The following NID1 variants were observed in gnomAD, a reference collection of about 807,000 sequenced individuals.
NID1 encodes nidogen-1.
NID1 carries 76 observed loss-of-function variants against 130.6 expected under a neutral mutation model. That is an observed-to-expected ratio of 0.58 (90% CI 0.48 to 0.70). The LOEUF (loss-of-function observed/expected upper bound fraction) is 0.70. NID1 is among the 30% of genes least tolerant of loss of function. The pLI is 0.00. For synonymous variants in NID1, 665 were observed against 675.1 expected, an observed-to-expected ratio of 0.98 and a Z score of 0.23; for missense variants, 1,517 against 1,664.8, an observed-to-expected ratio of 0.91 and a Z score of 1.54.
intron 12 of NID1, among the ~76,000 whole-genome samples, chr1:236,011,556 GCCT>G (rs1435582777): frequency 6.6e-6 from 1 of 152,090 alleles, no homozygotes; most frequent in Non-Finnish European, 1.5e-5. Context: ...ACCCACCTCG[GCCT>G]CCTAAAGTAT....
Position 235,979,718 on chromosome 1 carries a change from G to A in NID1, c.3509+104C>T. On this transcript the variant is annotated intron_variant, in intron 18 of 19. Transcript: ENST00000264187. The surrounding 1 kb of genome is among the most constrained non-coding windows in gnomAD (Gnocchi z 4.6). ...ATCTCTAGAGGGGGCATTTCTGGAG[G>A]CTCAAAAGTCAAGCCAAGAGGCCAG... The A allele has an allele frequency of 7.5e-7, 1 of 1,337,512 alleles. No homozygotes were observed. Among genetic ancestry groups the A allele is most frequent in the Non-Finnish European group, 1.1e-6 (1 of 949,392 alleles). The allele number at this position is 1,337,512 out of a possible 1,614,324, so 82.9% of individuals were successfully genotyped here.
intron 11 of NID1, 52 bp downstream of exon 11, chr1:236,013,359 C>T: frequency 1.2e-6 from 2 of 1,602,346 alleles, no homozygotes; most frequent in Admixed American, 1.7e-5. Flanking sequence ...CAGGTACCAC[C>T]TAGGAAACTT....
Position 235,993,866 on chromosome 1 carries a change from T to A in NID1, c.2534A>T (p.Glu845Val). 6.2e-7 allele frequency: 1 copy of A among 1,609,910 alleles called. No individual in the cohort carries two copies. The highest frequency in any genetic ancestry group is 1.3e-5 in the African/African-American group (1 of 75,006). ...DGFRCVPGEV[E>V]KTRCQHEREH... ...TCGCTCGTGCTGGCACCGGGTTTTC[T>A]CCACCTCTATCAGAGAAACAGGCAA... is the stretch of plus-strand genomic sequence containing the variant. The change falls in exon 13 of 20, where the codon GAG (glutamate) becomes GTG (valine). Residue 845 changes from glutamate to valine, a missense_variant. Coordinates refer to ENST00000264187, the MANE Select transcript of NID1 (RefSeq NM_002508.3).
intron 14 of NID1, among the ~76,000 whole-genome samples, chr1:235,988,777 AC>A (rs1010189739): frequency 2.0e-5 from 3 of 152,202 alleles, no homozygotes; most frequent in Non-Finnish European, 2.9e-5. Flanking sequence ...AATGACAAAT[AC>A]TGTATGATTC....
chr1:236,048,898 G>T lies in NID1; in HGVS notation c.317C>A (p.Pro106His). ...GGTCGTGTCCAAGTCCGCCAGGAAA[G>T]GGGCGACTGCACCGAATGTTGGTGG... is the stretch of plus-strand genomic sequence containing the variant. ...LFPPTFGAVA[P>H]FLADLDTTDG... Residue 106 changes from proline (P) to histidine (H), a missense_variant, in exon 2 of 20, where the codon CCT becomes CAT. Coordinates refer to ENST00000264187, the MANE Select transcript of NID1 (RefSeq NM_002508.3). 1 of 1,614,078 alleles carries T rather than the reference G, an allele frequency of 6.2e-7. No homozygotes were observed.
At chr1:236,055,214 G>A (rs961071245) in intron 1 of NID1, among the ~76,000 whole-genome samples, 5 of 151,970 alleles carry the variant, frequency 3.3e-5, no homozygotes, top group Non-Finnish European at 4.4e-5. Flanking sequence ...TGAGGCAGGA[G>A]AATGGCGGGA....
intron 11 of NID1, among the ~76,000 whole-genome samples, chr1:236,013,172 T>C (rs936572197): frequency 1.3e-5 from 2 of 152,206 alleles, no homozygotes; most frequent in Non-Finnish European, 2.9e-5. Context: ...AGGTGTCTAA[T>C]TGTCACCTGA....
At chr1:235,996,663 G>A (rs912001229) in intron 12 of NID1, among the ~76,000 whole-genome samples, 1 of 151,992 alleles carries the variant, frequency 6.6e-6, no homozygotes, top group Non-Finnish European at 1.5e-5. Flanking sequence ...GACTGGTCTC[G>A]AACTACTGAG....
intron 10 of NID1, among the ~76,000 whole-genome samples, chr1:236,016,199 C>T (rs915814827): frequency 3.3e-5 from 5 of 151,906 alleles, no homozygotes; most frequent in African/African-American, 1.2e-4. Context: ...AAAATCTCAA[C>T]TGTGCAGAGG....
At chr1:236,050,040 G>GAA (rs61477102) in intron 1 of NID1, among the ~76,000 whole-genome samples, 39 of 130,674 alleles carry the variant, frequency 3.0e-4, no homozygotes, top group South Asian at 7.4e-4. Context: ...CATCTCAGGG[G>GAA]AAAAAAAAAA....
At chr1:236,030,102 T>C (rs1659052301) in intron 6 of NID1, among the ~76,000 whole-genome samples, 1 of 152,132 alleles carries the variant, frequency 6.6e-6, no homozygotes, top group African/African-American at 2.4e-5. Flanking sequence ...TCCATTTCCC[T>C]GATGATTAAA....
chr1:236,058,850 C>A (rs547660332), intron 1 of NID1, among the ~76,000 whole-genome samples: 1 of 152,208 alleles, frequency 6.6e-6, no homozygotes, highest in South Asian at 2.1e-4. Flanking sequence ...TTTACAAATA[C>A]AAATCGCTGT....
intron 12 of NID1, among the ~76,000 whole-genome samples, chr1:236,011,630 C>T (rs145793897): frequency 7.5e-4 from 115 of 152,320 alleles, no homozygotes; most frequent in African/African-American, 2.6e-3. Flanking sequence ...CTCTACATTG[C>T]AGTCCATGCT....
At position 236,042,210 on chromosome 1, in the gene NID1, C is replaced by T. The variant is rs538754279; in HGVS notation, c.835G>A (p.Val279Met). 30 of 1,613,106 alleles carry T rather than the reference C, an allele frequency of 1.9e-5. No individual in the cohort carries two copies. Among genetic ancestry groups the T allele is most frequent in the East Asian group, 6.7e-5 (3 of 44,886 alleles). ...ATTNGVVPADVILGTEDGAEY... is the reference protein window; with the variant it reads ...ATTNGVVPADMILGTEDGAEY... The stretch of plus-strand genomic sequence containing the variant: ...GCCCCATCTTCAGTTCCGAGGATCA[C>T]GTCTGCAGGCACCACGCCATTGGTG... Residue 279 changes from valine (V) to methionine (M), a missense_variant, in exon 4 of 20, where the codon GTG (valine) becomes ATG (methionine). Physicochemically the swap from Val to Met is conservative, Grantham distance 21 (BLOSUM62 1). This residue lies in a region of NID1 where 1,329 missense variants were observed against 1,429.2 expected (regional missense o/e 0.93). Coordinates refer to ENST00000264187, the MANE Select transcript of NID1 (RefSeq NM_002508.3).
At chr1:236,018,908 C>A (rs1188366680) in intron 9 of NID1, among the ~76,000 whole-genome samples, 1 of 152,220 alleles carries the variant, frequency 6.6e-6, no homozygotes, top group African/African-American at 2.4e-5. Context: ...AATGTCCAGT[C>A]TAGCCAGGCC....
At chr1:236,004,717 A>C (rs181482844) in intron 12 of NID1, among the ~76,000 whole-genome samples, 5 of 141,776 alleles carry the variant, frequency 3.5e-5, no homozygotes, top group Non-Finnish European at 7.5e-5. Context: ...AGCCGAGATC[A>C]TGCCACTGCA....
At chr1:235,991,157 A>T (rs1348175962) in intron 13 of NID1, 99 bp from the exon 14 acceptor site, 1 of 992,768 alleles carries the variant, frequency 1.0e-6, no homozygotes, top group African/African-American at 1.7e-5. Flanking sequence ...ATGCACACAC[A>T]TACACACACC....
intron 12 of NID1, among the ~76,000 whole-genome samples, chr1:236,008,548 T>C (rs1439781598): frequency 6.6e-6 from 1 of 152,184 alleles, no homozygotes; most frequent in African/African-American, 2.4e-5. Flanking sequence ...TCACCCAGGC[T>C]GGAGTGCAGT....
intron 12 of NID1, among the ~76,000 whole-genome samples, chr1:236,007,829 T>C (rs1658293202): frequency 6.6e-6 from 1 of 152,190 alleles, no homozygotes; most frequent in East Asian, 1.9e-4. Flanking sequence ...CCTGAACTCC[T>C]GACGCACAGA....
Sources: allele counts gnomAD v4.1 joint callset (sites outside exome capture counted in the v4.1 genomes callset), GRCh38; gene constraint gnomAD v4.1.1; regional missense constraint gnomAD v4.1.1; non-coding constraint Gnocchi (gnomAD v3.1); transcripts MANE v1.5; gene names NCBI Gene and HGNC (gene_info 2026-07-23, HGNC 2026-07-21).